GABRG3: variants seen among roughly 807,000 people sequenced by gnomAD.
GABRG3 encodes gamma-aminobutyric acid type A receptor subunit gamma3, also known as gamma-aminobutyric acid receptor subunit gamma-3.
Under a neutral mutation model 48.8 loss-of-function variants are expected in GABRG3, and 25 were observed. The observed-to-expected ratio is 0.51, with a 90% CI of 0.37 to 0.72. GABRG3 has a LOEUF of 0.72. Among genes scored for constraint, GABRG3 ranks in the 30% least tolerant of loss-of-function variants. The pLI is 0.00. For synonymous variants in GABRG3, 227 were observed against 217.6 expected (o/e 1.04, Z -0.38); for missense variants, 394 against 577.9 (o/e 0.68, Z 3.26).
chr15:27,150,373 TAAA>T (rs1898288427), intron 3 of GABRG3, among the ~76,000 whole-genome samples: 1 of 152,186 alleles, frequency 6.6e-6, no homozygotes, highest in Admixed American at 6.6e-5. Flanking sequence ...ACTTTAGAAT[TAAA>T]AAATGCATGT....
chr15:27,378,788 A>G (rs1046776190), intron 5 of GABRG3, among the ~76,000 whole-genome samples: 1 of 152,230 alleles, frequency 6.6e-6, no homozygotes, highest in African/African-American at 2.4e-5. Flanking sequence ...TTACACTCAG[A>G]TCATGCAAAC....
At chr15:27,182,180 A>G (rs1223282865) in intron 3 of GABRG3, among the ~76,000 whole-genome samples, 1 of 152,084 alleles carries the variant, frequency 6.6e-6, no homozygotes, top group Non-Finnish European at 1.5e-5. Context: ...TCCCTGGTGG[A>G]AGTCACCGTC....
At chr15:27,021,186 T>TA (rs997270404) in intron 2 of GABRG3, among the ~76,000 whole-genome samples, 1 of 152,026 alleles carries the variant, frequency 6.6e-6, no homozygotes, top group Non-Finnish European at 1.5e-5. Flanking sequence ...TATGTATCAA[T>TA]AAAAAAAATT....
At chr15:27,126,006 G>C (rs1023533509) in intron 3 of GABRG3, among the ~76,000 whole-genome samples, 2 of 152,354 alleles carry the variant, frequency 1.3e-5, no homozygotes, top group East Asian at 3.9e-4. Flanking sequence ...ATGCAACTCA[G>C]CAGAGATGAT....
chr15:27,351,668 TTGTG>T (rs907427256), intron 5 of GABRG3, among the ~76,000 whole-genome samples: 35 of 146,120 alleles, frequency 2.4e-4, no homozygotes, highest in Middle Eastern at 4.3e-3. Context: ...TATGGGGTAT[TTGTG>T]TGTGTTTGTG....
intron 5 of GABRG3, chr15:27,340,463 GCT>G (rs1894132686): frequency 6.6e-6 from 1 of 152,214 alleles, no homozygotes; most frequent in African/African-American, 2.4e-5. Flanking sequence ...CAAATACCAA[GCT>G]CTCTGTTGAG....
intron 5 of GABRG3, among the ~76,000 whole-genome samples, chr15:27,389,561 C>T (rs1245995264): frequency 6.6e-6 from 1 of 152,148 alleles, no homozygotes; most frequent in Admixed American, 6.5e-5. Context: ...TCACTGCCAA[C>T]ACATCATCAT....
intron 3 of GABRG3, among the ~76,000 whole-genome samples, chr15:27,106,030 A>C (rs1278314472): frequency 6.6e-6 from 1 of 152,130 alleles, no homozygotes; most frequent in African/African-American, 2.4e-5. Context: ...AGATACAGAA[A>C]GGAAAAGTTT....
chr15:27,004,591 G>T (rs1453127192), intron 2 of GABRG3, among the ~76,000 whole-genome samples: 3 of 152,214 alleles, frequency 2.0e-5, no homozygotes, highest in Non-Finnish European at 4.4e-5. Flanking sequence ...GGAGGCCAAG[G>T]CAGGCGGCTG....
chr15:27,099,764 TAGA>T (rs1897324914), intron 3 of GABRG3, among the ~76,000 whole-genome samples: 1 of 150,798 alleles, frequency 6.6e-6, no homozygotes, highest in South Asian at 2.1e-4. Context: ...ATAAGAGAAG[TAGA>T]AGAATGAGAA....
rs547928050 is a variant in GABRG3, at chr15:27,525,559, G to A, written c.866-1874G>A. 4.6e-5 allele frequency among the ~76,000 whole-genome samples: 7 copies of A among 152,242 alleles called. No individual in the cohort carries two copies. The South Asian group carries it at 8.3e-4, about 18-fold the overall frequency. On this transcript the variant is annotated intron_variant, in intron 7 of 9. Transcript: ENST00000615808. ...TGGAAGTGGGGAGGATAAAGCACAC[G>A]GCCATTGCCTACATCTGGAATACAG...
chr15:27,467,495 A>G (rs1427044616), intron 5 of GABRG3, among the ~76,000 whole-genome samples: 1 of 152,228 alleles, frequency 6.6e-6, no homozygotes, highest in Middle Eastern at 3.2e-3. Flanking sequence ...ACTTAATGGG[A>G]TCGTAGTCTT....
intron 3 of GABRG3, among the ~76,000 whole-genome samples, chr15:27,278,680 T>A (rs1372442404): frequency 6.6e-6 from 1 of 152,198 alleles, no homozygotes; most frequent in African/African-American, 2.4e-5. Context: ...CCCAACAGTT[T>A]GTTTAACCAC....
intron 5 of GABRG3, among the ~76,000 whole-genome samples, chr15:27,391,803 C>T (rs1015479861): frequency 7.9e-5 from 12 of 152,176 alleles, no homozygotes; most frequent in Admixed American, 2.6e-4. Flanking sequence ...GTTTAAAACA[C>T]GGTTATATGA....
chr15:27,154,697 A>T (rs960848623), intron 3 of GABRG3, among the ~76,000 whole-genome samples: 1 of 152,148 alleles, frequency 6.6e-6, no homozygotes, highest in Non-Finnish European at 1.5e-5. Context: ...TGGTCATTGT[A>T]TATAATTATT....
At position 27,477,976 on chromosome 15, in the gene GABRG3, C is replaced by T. The variant is rs974353295; in HGVS notation, c.575-2674C>T. ...TAGGAGAATGGCGTGAACCCGGAGGCGGAGCTTGCAGTGAGCTGAGATCGC... is the reference window on the plus strand; with the variant it reads ...TAGGAGAATGGCGTGAACCCGGAGGTGGAGCTTGCAGTGAGCTGAGATCGC... On this transcript the variant is annotated intron_variant, in intron 5 of 9. Transcript: ENST00000615808. 2.2e-4 allele frequency among the ~76,000 whole-genome samples: 33 copies of T among 150,790 alleles called. 1 individual carries two copies. In the East Asian group the frequency reaches 4.1e-3, roughly 19 times the overall value.
intron 5 of GABRG3, among the ~76,000 whole-genome samples, chr15:27,418,570 C>A (rs1020670407): frequency 2.6e-5 from 4 of 152,188 alleles, no homozygotes; most frequent in African/African-American, 9.6e-5. Flanking sequence ...CGGCCACAGG[C>A]ACATTCCAAT....
At chr15:27,056,470 A>G (rs1351301245) in intron 3 of GABRG3, among the ~76,000 whole-genome samples, 1 of 152,182 alleles carries the variant, frequency 6.6e-6, no homozygotes, top group Non-Finnish European at 1.5e-5. Context: ...TTAACACCAG[A>G]CAACCAGCCT....
chr15:27,347,449 A>G (rs1894413760), intron 5 of GABRG3, among the ~76,000 whole-genome samples: 1 of 152,104 alleles, frequency 6.6e-6, no homozygotes, highest in African/African-American at 2.4e-5. Flanking sequence ...TCTATTTCCT[A>G]GAAGCCCTAA....
Sources: gnomAD v4.1 joint callset for allele counts (sites outside exome capture counted in the v4.1 genomes callset) on GRCh38, gnomAD v4.1.1 for gene constraint, MANE v1.5 for transcripts, NCBI Gene and HGNC (gene_info 2026-07-23, HGNC 2026-07-21) for gene names.